The following PDE3A variants were observed in gnomAD, a reference collection of about 807,000 sequenced individuals.
PDE3A encodes the protein phosphodiesterase 3A, also known as cGMP-inhibited 3',5'-cyclic phosphodiesterase 3A.
In PDE3A, 43 loss-of-function variants were observed where a neutral mutation model predicts 98.3. The observed-to-expected ratio is 0.44, with a 90% CI of 0.34 to 0.56. The LOEUF is 0.56. PDE3A is among the 20% of genes least tolerant of loss of function. The pLI is 0.01. For missense variants in PDE3A, 1,427 were observed against 1,440.7 expected (o/e 0.99, Z 0.15); for synonymous variants, 663 against 567.9 (o/e 1.17, Z -2.38).
At chr12:20,558,718 T>TAATAATAAC (rs987852486) in intron 2 of PDE3A, among the ~76,000 whole-genome samples, 1 of 150,006 alleles carries the variant, frequency 6.7e-6, no homozygotes, top group Non-Finnish European at 1.5e-5. Flanking sequence ...ATAATAATAA[T>TAATAATAAC]AACAATAATG....
chr12:20,666,273 C>T (rs1311865711), intron 15 of PDE3A, among the ~76,000 whole-genome samples: 2 of 152,134 alleles, frequency 1.3e-5, no homozygotes, highest in Admixed American at 6.6e-5. Context: ...CCATATTTAT[C>T]ATTTCTATGT....
chr12:20,595,013 T>C (rs1472276983), intron 2 of PDE3A, among the ~76,000 whole-genome samples: 1 of 152,132 alleles, frequency 6.6e-6, no homozygotes, highest in Non-Finnish European at 1.5e-5. Flanking sequence ...TTATGCTGTA[T>C]TAGAATATTT....
intron 1 of PDE3A, among the ~76,000 whole-genome samples, chr12:20,422,989 T>C (rs779237188): frequency 6.6e-6 from 1 of 152,212 alleles, no homozygotes; most frequent in Non-Finnish European, 1.5e-5. Context: ...GATATTAGAC[T>C]TGAAATGCTA....
intron 1 of PDE3A, among the ~76,000 whole-genome samples, chr12:20,414,472 G>A (rs528273230): frequency 4.3e-4 from 66 of 152,254 alleles, no homozygotes; most frequent in Admixed American, 3.7e-3. Context: ...CTAAGTCTAT[G>A]TTTCTTGTGT....
intron 1 of PDE3A, chr12:20,449,624 A>G (rs1368770722): frequency 1.0e-5 from 4 of 392,768 alleles, no homozygotes; most frequent in African/African-American, 2.1e-5. Context: ...ACTGGAGCCA[A>G]TTGTGGCAGA....
At chr12:20,664,361 G>C (rs930061199) in intron 15 of PDE3A, among the ~76,000 whole-genome samples, 2 of 152,262 alleles carry the variant, frequency 1.3e-5, no homozygotes, top group South Asian at 2.1e-4. Context: ...AGAGTTAAAT[G>C]ATATTCTGGT....
chr12:20,410,306 T>C (rs1944310753), intron 1 of PDE3A, among the ~76,000 whole-genome samples: 1 of 152,212 alleles, frequency 6.6e-6, no homozygotes, highest in Non-Finnish European at 1.5e-5. Flanking sequence ...GAGATTCTGA[T>C]TCAGGCATTC....
intron 1 of PDE3A, among the ~76,000 whole-genome samples, chr12:20,457,691 G>T (rs547287318): frequency 9.3e-4 from 141 of 151,502 alleles, no homozygotes; most frequent in African/African-American, 3.4e-3. Flanking sequence ...CTTTTGGTAG[G>T]TTAAAAGTAG....
chr12:20,533,273 C>T (rs979800083), intron 1 of PDE3A, among the ~76,000 whole-genome samples: 1 of 151,814 alleles, frequency 6.6e-6, no homozygotes, highest in Non-Finnish European at 1.5e-5. Flanking sequence ...TCATGGCTTC[C>T]CTTATTCAAC....
chr12:20,493,130 T>C (rs1018737032), intron 1 of PDE3A, among the ~76,000 whole-genome samples: 12 of 152,298 alleles, frequency 7.9e-5, no homozygotes, highest in African/African-American at 2.9e-4. Context: ...ATATTGTTAA[T>C]AGTATCATTA....
intron 1 of PDE3A, among the ~76,000 whole-genome samples, chr12:20,442,968 T>C (rs1052230465): frequency 6.6e-6 from 1 of 152,152 alleles, no homozygotes; most frequent in Non-Finnish European, 1.5e-5. Flanking sequence ...GGGATCCTTT[T>C]TTTTAATGGA....
intron 1 of PDE3A, among the ~76,000 whole-genome samples, chr12:20,470,369 G>A (rs994646755): frequency 6.6e-6 from 1 of 151,848 alleles, no homozygotes; most frequent in Non-Finnish European, 1.5e-5. Context: ...GTGGGAAAGA[G>A]GGAAGTGAGA....
At chr12:20,538,409 T>G (rs539608620) in intron 1 of PDE3A, among the ~76,000 whole-genome samples, 1 of 152,238 alleles carries the variant, frequency 6.6e-6, no homozygotes, top group Admixed American at 6.5e-5. Context: ...TTCCCCTTTT[T>G]AAAGACTTTC....
chr12:20,513,749 T>C (rs1044233995), intron 1 of PDE3A, among the ~76,000 whole-genome samples: 9 of 152,190 alleles, frequency 5.9e-5, no homozygotes, highest in African/African-American at 2.2e-4. Flanking sequence ...ACACATCTGA[T>C]AGAGATTCCA....
At chr12:20,547,300 T>C (rs1255973949) in intron 1 of PDE3A, among the ~76,000 whole-genome samples, 1 of 152,188 alleles carries the variant, frequency 6.6e-6, no homozygotes, top group East Asian at 1.9e-4. Flanking sequence ...CATCACCTGG[T>C]ATACTATGTT....
In PDE3A at chr12:20,495,152, T is replaced by C. The variant is rs138835630; in HGVS notation, c.961-61508T>C. ...GCCCTAAGTCTGCCTGTTTGAAATG[T>C]GTTCAATCAATGCCTGCTTGGAGTT... is the stretch of plus-strand genomic sequence containing the variant. On this transcript the variant is annotated intron_variant, in intron 1 of 15. Coordinates refer to ENST00000359062, the MANE Select transcript of PDE3A (RefSeq NM_000921.5). 1.6e-3 allele frequency among the ~76,000 whole-genome samples: 242 copies of C among 152,270 alleles called. 1 individual carries two copies. The Middle Eastern group carries it at 0.017, about 11-fold the overall frequency.
In PDE3A at chr12:20,402,033, CAT is replaced by C. The variant is rs1170441688; in HGVS notation, c.960+31791_960+31792del. Among the ~76,000 whole-genome samples the C allele has an allele frequency of 2.0e-5, 3 of 152,296 alleles. No individual in the cohort carries two copies. The East Asian group carries it at 5.8e-4, about 29-fold the overall frequency. On this transcript the variant is annotated intron_variant, in intron 1 of 15. Transcript: ENST00000359062. ...TGAATGGTACTTAGGAATTCACAGA[CAT>C]AGGTTCAGTATGTATCTGTGGAGCT...
At chr12:20,477,935 T>A (rs7978217) in intron 1 of PDE3A, among the ~76,000 whole-genome samples, 1,662 of 152,004 alleles carry the variant, frequency 0.011, 37 homozygotes, top group East Asian at 0.084. Context: ...AAGCCATTCC[T>A]TCCAGATCGC....
At chr12:20,591,004 A>G (rs1943327817) in intron 2 of PDE3A, among the ~76,000 whole-genome samples, 1 of 152,208 alleles carries the variant, frequency 6.6e-6, no homozygotes, top group African/African-American at 2.4e-5. Flanking sequence ...CATTGTTGAT[A>G]GTATAATGGT....
Sources: gnomAD v4.1 joint callset for allele counts (sites outside exome capture counted in the v4.1 genomes callset) on GRCh38, gnomAD v4.1.1 for gene constraint, MANE v1.5 for transcripts, NCBI Gene and HGNC (gene_info 2026-07-23, HGNC 2026-07-21) for gene names.